Variants in ROBO1 observed in about 807,000 individuals in gnomAD.
The protein encoded by ROBO1 is roundabout guidance receptor 1, also known as roundabout homolog 1.
In ROBO1, 149 loss-of-function variants were observed where a neutral mutation model predicts 195.9. That is an observed-to-expected ratio of 0.76 (90% CI 0.67 to 0.87). ROBO1 has a LOEUF of 0.87. ROBO1 is among the 40% of genes least tolerant of loss of function. The probability of loss-of-function intolerance (pLI) is 0.00; values close to 1 mark genes in which losing one functional copy is unlikely to be tolerated. For missense variants in ROBO1, 1,933 were observed against 2,068.3 expected, an observed-to-expected ratio of 0.93 and a Z score of 1.27; for synonymous variants, 816 against 733.2, an observed-to-expected ratio of 1.11 and a Z score of -1.82.
At chr3:78,873,308 C>T (rs978644554) in intron 4 of ROBO1, among the ~76,000 whole-genome samples, 15 of 152,112 alleles carry the variant, frequency 9.9e-5, no homozygotes, top group African/African-American at 3.6e-4. Context: ...TTGGACCTCC[C>T]TCTGGAGATA....
intron 2 of ROBO1, among the ~76,000 whole-genome samples, chr3:79,237,099 A>AT (rs1400477455): frequency 6.6e-6 from 1 of 152,212 alleles, no homozygotes; most frequent in Non-Finnish European, 1.5e-5. Context: ...AAAAAACAAG[A>AT]AAAGCAAGCA....
chr3:78,797,548 C>T (rs1241629921), intron 4 of ROBO1, among the ~76,000 whole-genome samples: 1 of 152,120 alleles, frequency 6.6e-6, no homozygotes. Flanking sequence ...TACCCAAATG[C>T]AAGACCAAGT....
intron 4 of ROBO1, among the ~76,000 whole-genome samples, chr3:78,776,633 T>C (rs2083515975): frequency 6.6e-6 from 1 of 152,214 alleles, no homozygotes; most frequent in Non-Finnish European, 1.5e-5. Context: ...AAATCTTTCA[T>C]TATTATTGGC....
chr3:78,656,276 A>C (rs1707006753), intron 18 of ROBO1, among the ~76,000 whole-genome samples: 1 of 152,066 alleles, frequency 6.6e-6, no homozygotes, highest in Non-Finnish European at 1.5e-5. Context: ...CTACCTGTGA[A>C]TATAAATTGG....
chr3:79,744,595 C>A (rs561335307), intron 1 of ROBO1, among the ~76,000 whole-genome samples: 4 of 152,016 alleles, frequency 2.6e-5, no homozygotes, highest in Non-Finnish European at 4.4e-5. Context: ...AGAGACCAAC[C>A]CTGCTGGCAC....
Position 79,106,715 on chromosome 3 carries a change from T to TA in ROBO1, c.172+18740dup, listed in dbSNP as rs1192220553. Among the ~76,000 whole-genome samples the TA allele has an allele frequency of 2.5e-3, 365 of 147,200 alleles. 3 individuals are homozygous for TA. The highest frequency in any genetic ancestry group is 8.3e-3 in the African/African-American group (335 of 40,454). ...ATCAGGTTGCAAGCAATACAGACAC[T>TA]AAAAAAAAAATGTAAGTTAAAAATA... On this transcript the variant is annotated intron_variant, in intron 3 of 30. Coordinates refer to ENST00000464233, the MANE Select transcript of ROBO1 (RefSeq NM_002941.4).
intron 24 of ROBO1, among the ~76,000 whole-genome samples, chr3:78,632,444 G>C (rs77316686): frequency 2.0e-5 from 3 of 152,094 alleles, no homozygotes; most frequent in Admixed American, 6.6e-5. Flanking sequence ...CCACCACTCC[G>C]GTGTCCAGCA....
intron 2 of ROBO1, among the ~76,000 whole-genome samples, chr3:79,578,867 A>C (rs1265462692): frequency 6.6e-6 from 1 of 152,212 alleles, no homozygotes. Context: ...GTATCACTAT[A>C]CTACATTTTT....
chr3:78,598,812 C>CTGAT lies in ROBO1; in HGVS notation c.*97_*100dup, dbSNP rs1297137771. ...GAATAAAAACGACAATTTGTACACTCTGATTGCACTGAACATTTTATCTGG... is the reference window on the plus strand; with the variant it reads ...GAATAAAAACGACAATTTGTACACTCTGATTGATTGCACTGAACATTTTATCTGG... On this transcript the variant is annotated 3_prime_UTR_variant, in exon 31 of 31. Coordinates refer to ENST00000464233, the MANE Select transcript of ROBO1 (RefSeq NM_002941.4). 1.4e-5 allele frequency: 10 copies of CTGAT among 708,162 alleles called. No individual in the cohort carries two copies. In the East Asian group the frequency reaches 2.1e-4, roughly 15 times the overall value. The allele number at this position is 708,162 out of a possible 1,614,324, so 43.9% of individuals were successfully genotyped here.
chr3:79,610,774 G>A (rs184829258), intron 1 of ROBO1, among the ~76,000 whole-genome samples: 7 of 152,102 alleles, frequency 4.6e-5, no homozygotes, highest in African/African-American at 1.7e-4. Flanking sequence ...AATTGAAGAA[G>A]GGATACCATG....
intron 2 of ROBO1, among the ~76,000 whole-genome samples, chr3:79,551,335 C>T (rs917135640): frequency 6.6e-6 from 1 of 151,632 alleles, no homozygotes; most frequent in Non-Finnish European, 1.5e-5. Context: ...TATCCTTCCC[C>T]CCTCCCCCAC....
chr3:79,591,082 C>G (rs1321859258), intron 1 of ROBO1, among the ~76,000 whole-genome samples: 1 of 151,668 alleles, frequency 6.6e-6, no homozygotes, highest in Admixed American at 6.6e-5. Flanking sequence ...CAGTACTTGA[C>G]AAATTTTAGA....
intron 2 of ROBO1, among the ~76,000 whole-genome samples, chr3:79,468,819 T>C (rs1048833614): frequency 3.9e-5 from 6 of 152,148 alleles, no homozygotes; most frequent in African/African-American, 9.7e-5. Context: ...CTCTTAAACT[T>C]CTCGGAGTTT....
intron 1 of ROBO1, among the ~76,000 whole-genome samples, chr3:79,753,650 T>C (rs949173423): frequency 6.6e-6 from 1 of 152,138 alleles, no homozygotes; most frequent in Non-Finnish European, 1.5e-5. Flanking sequence ...GTTGAAGTCA[T>C]AGATGTAAAG....
At chr3:79,422,538 TA>T (rs1482360045) in intron 2 of ROBO1, among the ~76,000 whole-genome samples, 2 of 152,162 alleles carry the variant, frequency 1.3e-5, no homozygotes, top group Non-Finnish European at 2.9e-5. Flanking sequence ...TCCCTGAGTG[TA>T]CCACTTAATC....
chr3:79,219,428 CT>C (rs2108821386), intron 2 of ROBO1, among the ~76,000 whole-genome samples: 1 of 152,056 alleles, frequency 6.6e-6, no homozygotes, highest in Admixed American at 6.6e-5. Flanking sequence ...AAATGTGAAT[CT>C]TCGGCTATCT....
chr3:79,278,305 A>C (rs2108993493), intron 2 of ROBO1, among the ~76,000 whole-genome samples: 1 of 152,280 alleles, frequency 6.6e-6, no homozygotes, highest in South Asian at 2.1e-4. Flanking sequence ...ACATACATGG[A>C]AAGAGAATCC....
chr3:79,223,773 C>T (rs1469893303), intron 2 of ROBO1, among the ~76,000 whole-genome samples: 2 of 152,148 alleles, frequency 1.3e-5, no homozygotes, highest in Admixed American at 6.6e-5. Context: ...GGTAATCAAG[C>T]ATCACTCTGT....
intron 3 of ROBO1, among the ~76,000 whole-genome samples, chr3:78,970,847 C>T (rs944845309): frequency 1.2e-4 from 18 of 151,708 alleles, no homozygotes; most frequent in South Asian, 2.1e-4. Flanking sequence ...AATAGGGCTA[C>T]GATTTCAATC....
Sources: allele counts gnomAD v4.1 joint callset (sites outside exome capture counted in the v4.1 genomes callset), GRCh38; gene constraint gnomAD v4.1.1; transcripts MANE v1.5; gene names NCBI Gene and HGNC (gene_info 2026-07-23, HGNC 2026-07-21).